Variants in SUCLG2 observed in about 807,000 individuals in gnomAD.
The protein encoded by SUCLG2 is succinate--CoA ligase [GDP-forming] subunit beta, mitochondrial.
A neutral mutation model predicts 47.9 loss-of-function variants in SUCLG2; 42 were observed. The ratio of observed to expected loss-of-function variants is 0.88; its 90% CI spans 0.69 to 1.14. The LOEUF (loss-of-function observed/expected upper bound fraction) is 1.14, where lower values mean the gene tolerates loss of function less well. SUCLG2 is among the 50% of genes most tolerant of loss of function. The pLI, the probability that SUCLG2 is intolerant of heterozygous loss-of-function variation, is 0.00. For missense variants in SUCLG2, 571 were observed against 525.9 expected, an observed-to-expected ratio of 1.09 and a Z score of -0.84; for synonymous variants, 195 against 197.3, an observed-to-expected ratio of 0.99 and a Z score of 0.10.
chr3:67,374,827 T>TA lies in SUCLG2; in HGVS notation c.*916_*917insT, dbSNP rs1702003876. ...TTTCCCACAACAAAATTGGACATCA[T>TA]GGAAAAAAAAAACACATTCAAATAA... On this transcript the variant is annotated 3_prime_UTR_variant, in exon 11 of 11. Transcript: ENST00000307227. 1 of 915,622 alleles carries TA rather than the reference T, an allele frequency of 1.1e-6. No individual in the cohort carries two copies. The highest frequency in any genetic ancestry group is 1.3e-6 in the Non-Finnish European group (1 of 784,636). The allele number at this position is 915,622 out of a possible 1,614,324, so 56.7% of individuals were successfully genotyped here.
intron 1 of SUCLG2, among the ~76,000 whole-genome samples, chr3:67,634,275 AC>A (rs1700973099): frequency 6.6e-6 from 1 of 152,170 alleles, no homozygotes. Context: ...CACCAAGGTT[AC>A]TATCAAGAGT....
intron 7 of SUCLG2, among the ~76,000 whole-genome samples, chr3:67,506,397 CTAAAGA>C (rs1705639791): frequency 1.3e-5 from 2 of 152,108 alleles, no homozygotes; most frequent in Admixed American, 6.5e-5. Flanking sequence ...AAATTAATAA[CTAAAGA>C]TAATTTTGCT....
chr3:67,383,523 C>T (rs1045392086), intron 10 of SUCLG2, among the ~76,000 whole-genome samples: 10 of 152,134 alleles, frequency 6.6e-5, no homozygotes, highest in Non-Finnish European at 1.0e-4. Flanking sequence ...GATTTCTTCT[C>T]GCACAGTAAG....
chr3:67,423,321 C>A (rs77706024), intron 9 of SUCLG2, among the ~76,000 whole-genome samples: 1 of 152,112 alleles, frequency 6.6e-6, no homozygotes, highest in Non-Finnish European at 1.5e-5. Context: ...CCTGGCCATG[C>A]GGAACTGTGA....
chr3:67,570,400 C>T (rs1707574732), intron 2 of SUCLG2, among the ~76,000 whole-genome samples: 1 of 152,208 alleles, frequency 6.6e-6, no homozygotes, highest in South Asian at 2.1e-4. Context: ...GAAAATCTGG[C>T]CTTGCCCAAA....
At chr3:67,435,891 T>C (rs1293290182) in intron 9 of SUCLG2, among the ~76,000 whole-genome samples, 1 of 152,236 alleles carries the variant, frequency 6.6e-6, no homozygotes, top group Non-Finnish European at 1.5e-5. Flanking sequence ...TCTTCATATA[T>C]TTTAGACTGA....
intron 2 of SUCLG2, among the ~76,000 whole-genome samples, chr3:67,595,781 T>C (rs1239986315): frequency 6.6e-6 from 1 of 152,214 alleles, no homozygotes; most frequent in South Asian, 2.1e-4. Context: ...TTATTACAGA[T>C]ACACTGAGTT....
intron 2 of SUCLG2, among the ~76,000 whole-genome samples, chr3:67,572,511 G>T (rs1443911228): frequency 6.6e-6 from 1 of 152,074 alleles, no homozygotes; most frequent in South Asian, 2.1e-4. Context: ...ATATATGCAG[G>T]ACACAATTGT....
rs1204315864 is a variant in SUCLG2 at position 67,654,582 on chromosome 3, G to A, written c.5C>T (p.Ala2Val). The change falls in exon 1 of 11, where the codon GCG (alanine) becomes GTG (valine). Residue 2 changes from alanine to valine, a missense_variant. By Grantham distance (64) the Ala-to-Val change is moderately conservative. Coordinates refer to ENST00000307227, the MANE Select transcript of SUCLG2 (RefSeq NM_003848.4). ...CCCGGCCTGCGCTGCTACGGGGGACGCCATCTTAAACAGGAAACTCGGCAC... is the reference window on the plus strand; with the variant it reads ...CCCGGCCTGCGCTGCTACGGGGGACACCATCTTAAACAGGAAACTCGGCAC... MASPVAAQAGKL... is the reference protein window; with the variant it reads MVSPVAAQAGKL... 7.1e-6 allele frequency: 9 copies of A among 1,274,316 alleles called. No homozygotes were observed. The highest frequency in any genetic ancestry group is 3.5e-5 in the Admixed American group (1 of 28,784). The allele number at this position is 1,274,316 out of a possible 1,614,324, so 78.9% of individuals were successfully genotyped here. A position where few individuals can be genotyped will look rare whatever the true frequency, so the allele number is the denominator to read the frequency against.
intron 1 of SUCLG2, among the ~76,000 whole-genome samples, chr3:67,641,054 A>T (rs1485104010): frequency 6.6e-6 from 1 of 152,230 alleles, no homozygotes; most frequent in African/African-American, 2.4e-5. Context: ...AAATAAAAAA[A>T]TACCAAAATT....
chr3:67,393,133 C>T (rs1452985220), intron 10 of SUCLG2, among the ~76,000 whole-genome samples: 9 of 152,210 alleles, frequency 5.9e-5, no homozygotes, highest in Admixed American at 1.3e-4. Context: ...TCTGAGGTAC[C>T]GGGTTCATCT....
chr3:67,387,658 C>A (rs545491338), intron 10 of SUCLG2, among the ~76,000 whole-genome samples: 1 of 152,044 alleles, frequency 6.6e-6, no homozygotes, highest in Admixed American at 6.6e-5. Flanking sequence ...TTTTATAATA[C>A]GCAGATGATA....
chr3:67,428,256 G>C (rs532849635), intron 9 of SUCLG2, among the ~76,000 whole-genome samples: 7 of 152,224 alleles, frequency 4.6e-5, no homozygotes, highest in Admixed American at 2.6e-4. Context: ...TCCAGAGGAA[G>C]AATCAGGCAG....
At position 67,364,048 on chromosome 3, in the gene SUCLG2, A is replaced by G. The variant is rs187500397; in HGVS notation, c.1184-3280T>C. On this transcript the variant is annotated intron_variant, in intron 10 of 10. Transcript: ENST00000493112. Reference sequence around the variant, plus strand: ...AACAAAAGCCTGTTGTCTGTAGCCAAAGGACCAGGAAGGGGCAGCCTAACA... The same window carrying G: ...AACAAAAGCCTGTTGTCTGTAGCCAGAGGACCAGGAAGGGGCAGCCTAACA... Among the ~76,000 whole-genome samples the G allele has an allele frequency of 1.6e-3, 240 of 152,292 alleles. 1 individual carries two copies. The highest frequency in any genetic ancestry group is 5.5e-3 in the African/African-American group (227 of 41,558).
intron 10 of SUCLG2, among the ~76,000 whole-genome samples, chr3:67,392,429 T>A (rs536744140): frequency 6.6e-6 from 1 of 152,202 alleles, no homozygotes; most frequent in African/African-American, 2.4e-5. Context: ...CACGTAAACA[T>A]TAGACAAAGG....
At chr3:67,381,601 G>T (rs985848003) in intron 10 of SUCLG2, among the ~76,000 whole-genome samples, 2 of 152,058 alleles carry the variant, frequency 1.3e-5, no homozygotes, top group African/African-American at 4.8e-5. Context: ...GAGCCTTCAG[G>T]ACAACACTTT....
intron 9 of SUCLG2, among the ~76,000 whole-genome samples, chr3:67,435,582 G>T (rs898291263): frequency 5.9e-5 from 9 of 152,112 alleles, no homozygotes; most frequent in African/African-American, 2.2e-4. Flanking sequence ...ATCATCTTAT[G>T]GATTAAAAAG....
chr3:67,401,049 T>C (rs538349582), intron 9 of SUCLG2, among the ~76,000 whole-genome samples, 198 bp from the exon 10 acceptor site: 1 of 152,288 alleles, frequency 6.6e-6, no homozygotes, highest in South Asian at 2.1e-4. Context: ...AATATCACAA[T>C]ATAACATTAC....
intron 1 of SUCLG2, among the ~76,000 whole-genome samples, chr3:67,631,702 A>G (rs1478514098): frequency 6.6e-6 from 1 of 152,190 alleles, no homozygotes; most frequent in East Asian, 1.9e-4. Flanking sequence ...ATTTTACCTC[A>G]TAACACCTCT....
Sources: gnomAD v4.1 joint callset for allele counts (sites outside exome capture counted in the v4.1 genomes callset) on GRCh38, gnomAD v4.1.1 for gene constraint, MANE v1.5 for transcripts, NCBI Gene and HGNC (gene_info 2026-07-23, HGNC 2026-07-21) for gene names.